The following PCDH15 variants were observed in gnomAD, a reference collection of about 807,000 sequenced individuals.
PCDH15 encodes protocadherin-15.
A neutral mutation model predicts 178.5 loss-of-function variants in PCDH15; 129 were observed. The ratio of observed to expected loss-of-function variants is 0.72; its 90% CI spans 0.63 to 0.84. PCDH15 has a LOEUF of 0.84. Ranked by LOEUF, PCDH15 falls within the 40% of genes least tolerant of loss-of-function variation. The pLI is 0.00. For synonymous variants in PCDH15, 800 were observed against 732.0 expected, an observed-to-expected ratio of 1.09 and a Z score of -1.50; for missense variants, 2,230 against 2,099.9, an observed-to-expected ratio of 1.06 and a Z score of -1.21.
At chr10:55,367,116 T>C (rs930450042) in intron 2 of PCDH15, among the ~76,000 whole-genome samples, 2 of 152,038 alleles carry the variant, frequency 1.3e-5, no homozygotes, top group African/African-American at 4.8e-5. Context: ...GTTTGTGAGG[T>C]TTTCCCCTCT....
chr10:55,038,449 C>A (rs1840788727), intron 2 of PCDH15, among the ~76,000 whole-genome samples: 1 of 152,102 alleles, frequency 6.6e-6, no homozygotes, highest in African/African-American at 2.4e-5. Flanking sequence ...CAAGGATAAT[C>A]AAAAATTGCT....
intron 2 of PCDH15, among the ~76,000 whole-genome samples, chr10:55,443,441 A>T (rs1839241505): frequency 6.6e-6 from 1 of 152,128 alleles, no homozygotes; most frequent in African/African-American, 2.4e-5. Flanking sequence ...CAAGAAAAAA[A>T]ACCAAACAGC....
rs911316780 is a variant in PCDH15 at position 54,599,908 on chromosome 10, A to T, written c.91+64264T>A. On this transcript the variant is annotated intron_variant, in intron 2 of 37. Transcript: ENST00000644397. ...TAAAGAGGAAAAGAAAGTTGAGGAAAAGAGTGAGGAAGTGGCCACTAAGGA... is the reference window on the plus strand; with the variant it reads ...TAAAGAGGAAAAGAAAGTTGAGGAATAGAGTGAGGAAGTGGCCACTAAGGA... 6.6e-6 allele frequency: 5 copies of T among 756,462 alleles called. No homozygotes were observed. The African/African-American group carries it at 7.1e-5, about 11-fold the overall frequency. 46.9% of individuals were successfully genotyped at this position (756,462 alleles called of 1,614,324 possible). A position where few individuals can be genotyped will look rare whatever the true frequency, so the allele number is the denominator to read the frequency against.
chr10:54,070,734 T>G (rs892080722), intron 17 of PCDH15, among the ~76,000 whole-genome samples: 1 of 152,006 alleles, frequency 6.6e-6, no homozygotes, highest in East Asian at 1.9e-4. Flanking sequence ...GGACTACAGG[T>G]GCACGCCACT....
At chr10:54,638,635 C>G (rs1415472578) in intron 2 of PCDH15, among the ~76,000 whole-genome samples, 1 of 151,952 alleles carries the variant, frequency 6.6e-6, no homozygotes, top group African/African-American at 2.4e-5. Flanking sequence ...ATTTATTTCT[C>G]AAAGAACTAA....
intron 1 of PCDH15, among the ~76,000 whole-genome samples, chr10:55,205,359 T>C (rs1448247923): frequency 2.0e-5 from 3 of 152,012 alleles, no homozygotes; most frequent in East Asian, 3.9e-4. Flanking sequence ...AACAGATTTC[T>C]ACAAGAATCT....
chr10:54,552,564 T>C (rs186995313), intron 2 of PCDH15, among the ~76,000 whole-genome samples: 1 of 152,164 alleles, frequency 6.6e-6, no homozygotes, highest in South Asian at 2.1e-4. Flanking sequence ...CTCCTTTGTT[T>C]TGGGAAAATT....
chr10:54,668,397 G>A (rs575612450), intron 1 of PCDH15, among the ~76,000 whole-genome samples: 2 of 152,188 alleles, frequency 1.3e-5, no homozygotes, highest in South Asian at 4.1e-4. Flanking sequence ...ATTACACAAA[G>A]CAACCAAAAT....
rs112619991 is a variant in PCDH15 at position 55,417,961 on chromosome 10, G to A, written c.-156+209664C>T. ...AAAAATAAAAATTCACCTAATCATTGTGCATATATAAAGAAAACTAAAATG... is the reference window on the plus strand; with the variant it reads ...AAAAATAAAAATTCACCTAATCATTATGCATATATAAAGAAAACTAAAATG... On this transcript the variant is annotated intron_variant, in intron 2 of 5. Coordinates refer to the PCDH15 transcript ENST00000613346. Among the ~76,000 whole-genome samples the A allele has an allele frequency of 2.1e-3, 313 of 151,614 alleles. 1 individual carries two copies. Among genetic ancestry groups the A allele is most frequent in the Non-Finnish European group, 3.3e-3 (221 of 67,696 alleles).
chr10:54,933,304 A>G (rs1346547779), intron 2 of PCDH15, among the ~76,000 whole-genome samples: 2 of 152,166 alleles, frequency 1.3e-5, no homozygotes, highest in African/African-American at 4.8e-5. Flanking sequence ...GTGAATTAAA[A>G]TTTTGATGGG....
intron 2 of PCDH15, among the ~76,000 whole-genome samples, chr10:55,028,096 C>T (rs190454033): frequency 1.3e-5 from 2 of 151,960 alleles, no homozygotes; most frequent in African/African-American, 4.8e-5. Context: ...CTTTGGGATA[C>T]ATTTTCTGCT....
intron 3 of PCDH15, among the ~76,000 whole-genome samples, chr10:54,808,539 T>A (rs770298377): frequency 1.3e-5 from 2 of 152,168 alleles, no homozygotes; most frequent in Admixed American, 1.3e-4. Context: ...ATCTTTTAGC[T>A]CCTACTGCCA....
intron 1 of PCDH15, among the ~76,000 whole-genome samples, chr10:55,257,125 G>A (rs1027201204): frequency 6.6e-6 from 1 of 152,160 alleles, no homozygotes; most frequent in African/African-American, 2.4e-5. Flanking sequence ...GGTCTGGAGT[G>A]GACCTCCAGC....
At chr10:55,524,907 A>G (rs1018326185) in intron 2 of PCDH15, among the ~76,000 whole-genome samples, 24 of 151,804 alleles carry the variant, frequency 1.6e-4, no homozygotes, top group African/African-American at 5.8e-4. Flanking sequence ...ACAACTTTAC[A>G]TTGTTGTTTT....
At position 54,581,166 on chromosome 10, in the gene PCDH15, G is replaced by T. The variant is rs149830846; in HGVS notation, c.92-53289C>A. On this transcript the variant is annotated intron_variant, in intron 2 of 37. Coordinates refer to ENST00000644397, the MANE Select transcript of PCDH15 (RefSeq NM_001384140.1). ...AGCAGTCAAACTATTTCTCTTTGCT[G>T]ACTATATGTTTCTACACTAAGGAAA... is the stretch of plus-strand genomic sequence containing the variant. Among the ~76,000 whole-genome samples, 420 of 152,174 alleles carry T rather than the reference G, an allele frequency of 2.8e-3. 3 individuals are homozygous for T. Among genetic ancestry groups the T allele is most frequent in the African/African-American group, 9.7e-3 (403 of 41,566 alleles).
chr10:54,202,737 G>A (rs796637176), intron 10 of PCDH15, among the ~76,000 whole-genome samples: 4 of 151,508 alleles, frequency 2.6e-5, no homozygotes, highest in African/African-American at 9.7e-5. Context: ...GCTTGAACCC[G>A]GGAGGCAGAG....
At chr10:55,614,668 G>C (rs1564484416) in intron 2 of PCDH15, among the ~76,000 whole-genome samples, 1 of 152,012 alleles carries the variant, frequency 6.6e-6, no homozygotes, top group Non-Finnish European at 1.5e-5. Context: ...GATGTTAAAA[G>C]TTTGATAATA....
At chr10:55,051,627 A>G (rs552070776) in intron 2 of PCDH15, among the ~76,000 whole-genome samples, 1 of 152,292 alleles carries the variant, frequency 6.6e-6, no homozygotes, top group East Asian at 1.9e-4. Context: ...TTTCATTTTA[A>G]CTGGAAATAA....
At chr10:54,074,039 T>C (rs921301209) in intron 17 of PCDH15, among the ~76,000 whole-genome samples, 2 of 152,184 alleles carry the variant, frequency 1.3e-5, no homozygotes, top group Non-Finnish European at 2.9e-5. Context: ...CTTTATACTT[T>C]GTCTGGTATA....
Sources: allele counts gnomAD v4.1 joint callset (sites outside exome capture counted in the v4.1 genomes callset), GRCh38; gene constraint gnomAD v4.1.1; transcripts MANE v1.5; gene names NCBI Gene and HGNC (gene_info 2026-07-23, HGNC 2026-07-21).